The following SMKR1 variants were observed in gnomAD, a reference collection of about 807,000 sequenced individuals.
The protein encoded by SMKR1 is small lysine-rich protein 1.
Under a neutral mutation model 4.0 loss-of-function variants are expected in SMKR1, and 4 were observed. The observed-to-expected ratio is 1.00, with a 90% CI of 0.49 to 2.30. The LOEUF is 2.30. SMKR1 is among the 30% of genes most tolerant of loss of function. The pLI, the probability that SMKR1 is intolerant of heterozygous loss-of-function variation, is 0.02. For synonymous variants in SMKR1, 38 were observed against 32.5 expected (o/e 1.17, Z -0.58); for missense variants, 56 against 81.8 (o/e 0.68, Z 1.22).
Position 129,512,300 on chromosome 7 carries a change from G to A in SMKR1, c.57G>A (p.Gln19=). Residue 19 remains glutamine (Q), a synonymous_variant, in exon 2 of 2, where the codon CAG becomes CAA. Coordinates refer to ENST00000462322, the MANE Select transcript of SMKR1 (RefSeq NM_001195243.2). The part of the protein sequence containing the change: ...KGQGKSHGKK[Q]KKPEVDILSP... Reference sequence around the variant, plus strand: ...AGGGCAAGTCTCATGGGAAGAAACAGAAGAAACCAGAAGTGGACATTCTCA... The same window carrying A: ...AGGGCAAGTCTCATGGGAAGAAACAAAAGAAACCAGAAGTGGACATTCTCA... 6.5e-7 allele frequency: 1 copy of A among 1,535,382 alleles called. No homozygotes were observed. Among genetic ancestry groups the A allele is most frequent in the Non-Finnish European group, 8.7e-7 (1 of 1,146,624 alleles).
chr7:129,503,139 A>G (rs1450734471), intron 1 of SMKR1, among the ~76,000 whole-genome samples: 1 of 151,728 alleles, frequency 6.6e-6, no homozygotes, highest in Non-Finnish European at 1.5e-5. Flanking sequence ...GCGCCAGGCC[A>G]TGCCCACAGT....
At chr7:129,506,382 C>T (rs1454010251) in intron 1 of SMKR1, among the ~76,000 whole-genome samples, 1 of 152,102 alleles carries the variant, frequency 6.6e-6, no homozygotes, top group Admixed American at 6.6e-5. Flanking sequence ...ATCGAGACTG[C>T]AGTGAGCCAT....
intron 1 of SMKR1, among the ~76,000 whole-genome samples, chr7:129,506,320 T>C (rs1799464708): frequency 6.6e-6 from 1 of 152,150 alleles, no homozygotes; most frequent in Admixed American, 6.5e-5. Flanking sequence ...TGCAAATCTG[T>C]AGTCCCAGTT....
chr7:129,505,525 C>G (rs942979676), intron 1 of SMKR1, among the ~76,000 whole-genome samples: 4 of 151,668 alleles, frequency 2.6e-5, no homozygotes, highest in African/African-American at 9.7e-5. Flanking sequence ...GTCGCCCAGG[C>G]TGGAGTGCAA....
intron 1 of SMKR1, among the ~76,000 whole-genome samples, chr7:129,505,500 C>G (rs1273958071): frequency 6.6e-6 from 1 of 150,474 alleles, no homozygotes; most frequent in African/African-American, 2.4e-5. Flanking sequence ...TTTTTTGAGA[C>G]AGAGTTTCAC....
At position 129,502,732 on chromosome 7, in the gene SMKR1, G is replaced by T. The variant is rs914899121; in HGVS notation, c.-93G>T. 6.6e-7 allele frequency: 1 copy of T among 1,525,788 alleles called. No homozygotes were observed. Among genetic ancestry groups the T allele is most frequent in the African/African-American group, 1.4e-5 (1 of 71,648 alleles). The allele number at this position is 1,525,788 out of a possible 1,614,324, so 94.5% of individuals were successfully genotyped here. ...CCGAGAAGGGGCCGGGGGTGCTAGG[G>T]GAACGGGCGCTGGGGGCAGCGGCCC... On this transcript the variant is annotated 5_prime_UTR_variant, in exon 1 of 2. Coordinates refer to ENST00000462322, the MANE Select transcript of SMKR1 (RefSeq NM_001195243.2).
Position 129,503,864 on chromosome 7 carries a change from G to C in SMKR1, c.3+1037G>C, listed in dbSNP as rs775645391. Reference sequence around the variant, plus strand: ...TTTTTTTTTGACAGGGTCTTACTTTGTCACACAGGCTGGAGTACAGTGGTG... The same window carrying C: ...TTTTTTTTTGACAGGGTCTTACTTTCTCACACAGGCTGGAGTACAGTGGTG... On this transcript the variant is annotated intron_variant, in intron 1 of 1. Coordinates refer to ENST00000462322, the MANE Select transcript of SMKR1 (RefSeq NM_001195243.2). 2.2e-4 allele frequency among the ~76,000 whole-genome samples: 18 copies of C among 81,232 alleles called. 1 individual carries two copies. The highest frequency in any genetic ancestry group is 6.9e-4 in the African/African-American group (14 of 20,158). The allele number at this position is 81,232 out of a possible 152,430, so 53.3% of individuals were successfully genotyped here. A position where few individuals can be genotyped will look rare whatever the true frequency, so the allele number is the denominator to read the frequency against.
chr7:129,509,833 C>T (rs572417351), intron 1 of SMKR1, among the ~76,000 whole-genome samples: 3 of 152,306 alleles, frequency 2.0e-5, no homozygotes, highest in Admixed American at 2.0e-4. Flanking sequence ...GCCAGCGCGC[C>T]CGGCCTATTT....
chr7:129,507,300 C>A (rs1381239467), intron 1 of SMKR1, among the ~76,000 whole-genome samples: 2 of 152,134 alleles, frequency 1.3e-5, no homozygotes, highest in African/African-American at 2.4e-5. Context: ...TAGGCGTGAG[C>A]CACTGTGCCC....
Position 129,512,518 on chromosome 7 carries a change from G to A in SMKR1, c.*77G>A. 1 of 1,381,022 alleles carries A rather than the reference G, an allele frequency of 7.2e-7. No homozygotes were observed. Among genetic ancestry groups the A allele is most frequent in the Non-Finnish European group, 9.5e-7 (1 of 1,049,624 alleles). 85.5% of individuals were successfully genotyped at this position (1,381,022 alleles called of 1,614,324 possible). A position where few individuals can be genotyped will look rare whatever the true frequency, so the allele number is the denominator to read the frequency against. ...AGTCAGGATAACACAACTGTTGCCA[G>A]CAACATAGACTTTACTCCAGACGAC... On this transcript the variant is annotated 3_prime_UTR_variant, in exon 2 of 2. Transcript: ENST00000462322.
chr7:129,502,728 T>C lies in SMKR1; in HGVS notation c.-97T>C. 6 of 1,522,092 alleles carry C rather than the reference T, an allele frequency of 3.9e-6. No homozygotes were observed. Among genetic ancestry groups the C allele is most frequent in the South Asian group, 2.4e-5 (2 of 83,782 alleles). The allele number at this position is 1,522,092 out of a possible 1,614,324, so 94.3% of individuals were successfully genotyped here. On this transcript the variant is annotated 5_prime_UTR_variant, in exon 1 of 2. Transcript: ENST00000462322. ...AGGGCCGAGAAGGGGCCGGGGGTGC[T>C]AGGGGAACGGGCGCTGGGGGCAGCG... is the stretch of plus-strand genomic sequence containing the variant.
chr7:129,508,763 C>T (rs536586304), intron 1 of SMKR1, among the ~76,000 whole-genome samples: 1 of 152,262 alleles, frequency 6.6e-6, no homozygotes, highest in African/African-American at 2.4e-5. Context: ...TTCCTAAGTC[C>T]GCTTTTCCAT....
chr7:129,507,341 G>A (rs1799480606), intron 1 of SMKR1, among the ~76,000 whole-genome samples: 1 of 151,572 alleles, frequency 6.6e-6, no homozygotes, highest in African/African-American at 2.4e-5. Context: ...ATAGATATGG[G>A]GTCCCATTTT....
intron 1 of SMKR1, among the ~76,000 whole-genome samples, chr7:129,508,488 C>A (rs1355273592): frequency 6.6e-6 from 1 of 152,212 alleles, no homozygotes; most frequent in Non-Finnish European, 1.5e-5. Flanking sequence ...CTCACCCAGG[C>A]TGGAGTGCAG....
chr7:129,509,174 G>C (rs543340714), intron 1 of SMKR1, among the ~76,000 whole-genome samples: 2 of 152,164 alleles, frequency 1.3e-5, no homozygotes, highest in African/African-American at 4.8e-5. Flanking sequence ...TTAGCCAGGC[G>C]TGGTGGCAAG....
Position 129,507,018 on chromosome 7 carries a change from A to AT in SMKR1, c.3+4206dup, listed in dbSNP as rs1272812801. ...TGCATACCACCACCACATCTGACTA[A>AT]TTTTTTTTTTTTTTTGAGATGGAGT... On this transcript the variant is annotated intron_variant, in intron 1 of 1. Transcript: ENST00000462322. 6.1e-3 allele frequency among the ~76,000 whole-genome samples: 853 copies of AT among 139,926 alleles called. 1 individual carries two copies. The highest frequency in any genetic ancestry group is 0.017 in the East Asian group (82 of 4,846). 91.8% of individuals were successfully genotyped at this position (139,926 alleles called of 152,430 possible).
At chr7:129,509,239 G>C (rs1364598983) in intron 1 of SMKR1, among the ~76,000 whole-genome samples, 3 of 152,178 alleles carry the variant, frequency 2.0e-5, no homozygotes, top group African/African-American at 7.2e-5. Flanking sequence ...CTTGAACCTG[G>C]GAGGCAGAGG....
intron 1 of SMKR1, among the ~76,000 whole-genome samples, chr7:129,510,416 G>GCT (rs1799513773): frequency 6.6e-6 from 1 of 152,180 alleles, no homozygotes; most frequent in African/African-American, 2.4e-5. Context: ...TAGAAATACA[G>GCT]CTCTGAGTGT....
chr7:129,504,383 G>A (rs1327239008), intron 1 of SMKR1, among the ~76,000 whole-genome samples: 1 of 152,156 alleles, frequency 6.6e-6, no homozygotes, highest in African/African-American at 2.4e-5. Context: ...CGGCTTCAGA[G>A]ACTTTGCATA....
Sources: gnomAD v4.1 joint callset for allele counts (sites outside exome capture counted in the v4.1 genomes callset) on GRCh38, gnomAD v4.1.1 for gene constraint, MANE v1.5 for transcripts, NCBI Gene and HGNC (gene_info 2026-07-23, HGNC 2026-07-21) for gene names.